Variants in DMD observed in about 807,000 individuals in gnomAD.
DMD encodes mutant dystrophin.
In DMD, 63 loss-of-function variants were observed where a neutral mutation model predicts 330.1. That is an observed-to-expected ratio of 0.19 (90% CI 0.16 to 0.24). DMD has a LOEUF of 0.24. Ranked by LOEUF, DMD falls within the 10% of genes least tolerant of loss-of-function variation. The pLI is 1.00. For missense variants in DMD, 3,344 were observed against 2,684.1 expected (o/e 1.25, Z -5.43); for synonymous variants, 1,223 against 959.8 (o/e 1.27, Z -5.07).
At chrX:32,819,076 T>A (rs1326887758) in intron 5 of DMD, among the ~76,000 whole-genome samples, 6 of 99,725 alleles carry the variant, frequency 6.0e-5, no homozygotes, top group African/African-American at 2.3e-4. Flanking sequence ...AACTCCGAAG[T>A]CTACTCCCCA....
intron 41 of DMD, among the ~76,000 whole-genome samples, chrX:32,329,708 A>T (rs1248858716): frequency 8.9e-6 from 1 of 112,533 alleles, no homozygotes; most frequent in Non-Finnish European, 1.9e-5. Flanking sequence ...TGTATTTGTT[A>T]GGTAATTCAT....
At chrX:31,546,190 T>G (rs2074132449) in intron 55 of DMD, among the ~76,000 whole-genome samples, 1 of 112,710 alleles carries the variant, frequency 8.9e-6, no homozygotes, top group Non-Finnish European at 1.9e-5. Flanking sequence ...GAGTACTTAA[T>G]TGTGTTGTGC....
At chrX:32,882,537 T>C (rs1446907172) in intron 2 of DMD, among the ~76,000 whole-genome samples, 2 of 112,100 alleles carry the variant, frequency 1.8e-5, no homozygotes, top group Non-Finnish European at 3.8e-5. Flanking sequence ...AAAGACCACA[T>C]ATTATATTCC....
chrX:32,719,010 A>G (rs1379234945), intron 7 of DMD, among the ~76,000 whole-genome samples: 1 of 111,903 alleles, frequency 8.9e-6, no homozygotes, highest in Non-Finnish European at 1.9e-5. Context: ...TCTTGGTAGC[A>G]AAATAGTCTG....
chrX:32,519,113 A>C (rs1410758349), intron 17 of DMD, among the ~76,000 whole-genome samples: 2 of 102,793 alleles, frequency 1.9e-5, no homozygotes, highest in African/African-American at 7.1e-5. Context: ...GAATCAACCC[A>C]AGTGTCTAAT....
intron 47 of DMD, among the ~76,000 whole-genome samples, chrX:31,896,220 A>C (rs756823643): frequency 3.3e-4 from 37 of 112,227 alleles, no homozygotes; most frequent in Non-Finnish European, 5.8e-4. Flanking sequence ...GTAATAATTT[A>C]TGTGACATCA....
intron 44 of DMD, among the ~76,000 whole-genome samples, chrX:32,130,359 T>C (rs34614522): frequency 0.078 from 8,639 of 111,176 alleles, 401 homozygotes; most frequent in African/African-American, 0.18. Context: ...ATAAAATTTG[T>C]TTTTATTATT....
chrX:31,779,670 A>G lies in DMD; in HGVS notation c.7310-5478T>C, dbSNP rs185282093. On this transcript the variant is annotated intron_variant, in intron 50 of 78. Transcript: ENST00000357033. Reference sequence around the variant, plus strand: ...AATTAAACTGTATATCTAGGTAGACAGATAGATACACACATTGTGTGTGTG... The same window carrying G: ...AATTAAACTGTATATCTAGGTAGACGGATAGATACACACATTGTGTGTGTG... 8.9e-5 allele frequency among the ~76,000 whole-genome samples: 8 copies of G among 90,020 alleles called. No homozygotes were observed. In the East Asian group the frequency reaches 2.9e-3, roughly 33 times the overall value. The allele number at this position is 90,020 out of a possible 115,157, so 78.2% of individuals were successfully genotyped here. A position where few individuals can be genotyped will look rare whatever the true frequency, so the allele number is the denominator to read the frequency against.
rs1161112857 is a variant in DMD at position 32,509,213 on chromosome X, A to G, written c.2293-7371T>C. 2.8e-5 allele frequency among the ~76,000 whole-genome samples: 3 copies of G among 108,956 alleles called. 1 individual carries two copies. Among genetic ancestry groups the G allele is most frequent in the Non-Finnish European group, 5.7e-5 (3 of 52,420 alleles). 94.6% of individuals were successfully genotyped at this position (108,956 alleles called of 115,157 possible). ...TTAAAAAAAAAAAAAAAAAAAGGTTAAGTAAATAAACATCACTGAAAATCG... is the reference window on the plus strand; with the variant it reads ...TTAAAAAAAAAAAAAAAAAAAGGTTGAGTAAATAAACATCACTGAAAATCG... On this transcript the variant is annotated intron_variant, in intron 18 of 78. Transcript: ENST00000357033.
chrX:32,353,427 G>A (rs894697892), intron 37 of DMD, among the ~76,000 whole-genome samples: 1 of 111,521 alleles, frequency 9.0e-6, no homozygotes, highest in African/African-American at 3.2e-5. Flanking sequence ...TATCATGCCT[G>A]CTTTTCAATT....
At chrX:32,613,388 C>A (rs1037322842) in intron 12 of DMD, among the ~76,000 whole-genome samples, 2 of 109,730 alleles carry the variant, frequency 1.8e-5, no homozygotes, top group Non-Finnish European at 3.8e-5. Context: ...AAATAAAGCA[C>A]CCTCATAATT....
chrX:33,316,571 G>C (rs1190633651), intron 1 of DMD, among the ~76,000 whole-genome samples: 3 of 111,426 alleles, frequency 2.7e-5, no homozygotes, highest in Non-Finnish European at 5.7e-5. Context: ...ATCATTTGTT[G>C]AAAATGATAG....
intron 9 of DMD, among the ~76,000 whole-genome samples, chrX:32,688,254 T>C (rs1030994044): frequency 1.8e-5 from 2 of 111,521 alleles, no homozygotes; most frequent in East Asian, 5.6e-4. Context: ...AAATTGACTC[T>C]ATTTTTGTAA....
chrX:31,279,475 A>G (rs2052448689), intron 62 of DMD, among the ~76,000 whole-genome samples: 1 of 111,570 alleles, frequency 9.0e-6, no homozygotes, highest in South Asian at 3.8e-4. Context: ...CCCACTCCTT[A>G]CATCTGGGAT....
rs747165041 is a variant in DMD at position 31,929,724 on chromosome X, G to A, written c.6784C>T (p.Leu2262=). The part of the protein sequence containing the change: ...QVKLLVEELP[L]RQGILKQLNE... ...AATTGTTTGAGAATTCCCTGGCGCA[G>A]GGGCAACTCTTCCACCAGTAACTGA... is the stretch of plus-strand genomic sequence containing the variant. The change falls in exon 47 of 79, where the codon CTG becomes TTG. Residue 2262 remains leucine (L), a synonymous_variant. Transcript: ENST00000357033. 1 of 1,211,502 alleles carries A rather than the reference G, an allele frequency of 8.3e-7. No individual in the cohort carries two copies. Among genetic ancestry groups the A allele is most frequent in the Non-Finnish European group, 1.1e-6 (1 of 895,430 alleles).
chrX:32,027,179 C>CAT (rs1225057350), intron 44 of DMD, among the ~76,000 whole-genome samples: 7 of 103,465 alleles, frequency 6.8e-5, no homozygotes, highest in African/African-American at 1.1e-4. Context: ...CACACACACA[C>CAT]ACACAGAGAG....
intron 17 of DMD, among the ~76,000 whole-genome samples, chrX:32,529,096 T>G (rs181962210): frequency 1.9e-5 from 2 of 105,599 alleles, no homozygotes; most frequent in African/African-American, 6.9e-5. Context: ...TAATTTTTTT[T>G]CCCTATTTTT....
At chrX:33,164,018 T>A (rs1477484369) in intron 1 of DMD, among the ~76,000 whole-genome samples, 1 of 111,629 alleles carries the variant, frequency 9.0e-6, no homozygotes, top group Non-Finnish European at 1.9e-5. Context: ...ACTATAGATA[T>A]TTTTTCTGCT....
chrX:31,460,387 T>C (rs138376721), intron 59 of DMD, among the ~76,000 whole-genome samples: 184 of 112,116 alleles, frequency 1.6e-3, no homozygotes, highest in Non-Finnish European at 3.0e-3. Context: ...TAGCTATTCA[T>C]ATCTAGCAAG....
Sources: allele counts gnomAD v4.1 joint callset (sites outside exome capture counted in the v4.1 genomes callset), GRCh38; gene constraint gnomAD v4.1.1; transcripts MANE v1.5; gene names NCBI Gene and HGNC (gene_info 2026-07-23, HGNC 2026-07-21).